The following GRID2 variants were observed in gnomAD, a reference collection of about 807,000 sequenced individuals.
GRID2 encodes glutamate ionotropic receptor delta type subunit 2.
In GRID2, 33 loss-of-function variants were observed where a neutral mutation model predicts 114.8. That is an observed-to-expected ratio of 0.29 (90% confidence interval 0.22 to 0.38). GRID2 has a LOEUF of 0.38. Ranked by LOEUF, GRID2 falls within the 10% of genes least tolerant of loss-of-function variation. GRID2 has a pLI of 1.00. For missense variants in GRID2, 1,184 were observed against 1,257.7 expected, an observed-to-expected ratio of 0.94 and a Z score of 0.89; for synonymous variants, 505 against 449.9, an observed-to-expected ratio of 1.12 and a Z score of -1.55.
At chr4:92,390,694 A>T (rs1367446320) in intron 1 of GRID2, among the ~76,000 whole-genome samples, 1 of 152,202 alleles carries the variant, frequency 6.6e-6, no homozygotes, top group Admixed American at 6.5e-5. Context: ...CTCCAGAGAG[A>T]AATTCCAGGA....
intron 2 of GRID2, among the ~76,000 whole-genome samples, chr4:92,659,643 A>G (rs573805543): frequency 5.3e-5 from 8 of 151,512 alleles, no homozygotes; most frequent in Non-Finnish European, 1.0e-4. Flanking sequence ...TAATGAAAAA[A>G]TAGAAAATAT....
intron 2 of GRID2, among the ~76,000 whole-genome samples, chr4:92,729,168 G>A (rs1335356136): frequency 6.6e-6 from 1 of 151,766 alleles, no homozygotes; most frequent in African/African-American, 2.4e-5. Flanking sequence ...ATCTATCTCT[G>A]ACATGTTAAA....
At chr4:93,298,747 A>G (rs1323304820) in intron 8 of GRID2, among the ~76,000 whole-genome samples, 3 of 152,226 alleles carry the variant, frequency 2.0e-5, no homozygotes, top group East Asian at 1.9e-4. Context: ...TCTTCCTGAC[A>G]TATCTTCTTA....
At chr4:93,718,006 A>T (rs1483002532) in intron 14 of GRID2, among the ~76,000 whole-genome samples, 1 of 152,220 alleles carries the variant, frequency 6.6e-6, no homozygotes, top group African/African-American at 2.4e-5. Context: ...CTGTAATCCC[A>T]GCACTTTGGG....
intron 14 of GRID2, among the ~76,000 whole-genome samples, chr4:93,716,318 G>A (rs191030193): frequency 7.2e-5 from 11 of 152,154 alleles, no homozygotes; most frequent in South Asian, 2.1e-4. Context: ...AAATAATTAC[G>A]TATTAAAATT....
chr4:93,495,012 T>A (rs1727390386), intron 12 of GRID2, among the ~76,000 whole-genome samples: 1 of 151,806 alleles, frequency 6.6e-6, no homozygotes, highest in South Asian at 2.1e-4. Flanking sequence ...GGTTACACAG[T>A]TATAGTTATT....
At chr4:92,746,751 C>G (rs879545080) in intron 2 of GRID2, among the ~76,000 whole-genome samples, 3 of 151,984 alleles carry the variant, frequency 2.0e-5, no homozygotes, top group South Asian at 2.1e-4. Context: ...TCACTTTGAG[C>G]AAATTATTTT....
intron 14 of GRID2, among the ~76,000 whole-genome samples, chr4:93,734,067 T>C (rs779660293): frequency 7.2e-5 from 11 of 152,092 alleles, no homozygotes; most frequent in Non-Finnish European, 1.5e-4. Flanking sequence ...TCTGCTTCTT[T>C]CTGCTGGTAA....
chr4:93,467,396 G>A (rs1724391863), intron 11 of GRID2, among the ~76,000 whole-genome samples: 1 of 152,128 alleles, frequency 6.6e-6, no homozygotes, highest in African/African-American at 2.4e-5. Flanking sequence ...TAATTTTTAA[G>A]AAGTCTGTAT....
Position 93,542,361 on chromosome 4 carries a change from T to C in GRID2, c.2193+26950T>C, listed in dbSNP as rs1732736937. 2.0e-5 allele frequency among the ~76,000 whole-genome samples: 3 copies of C among 152,306 alleles called. No individual in the cohort carries two copies. In the East Asian group the frequency reaches 5.8e-4, roughly 29 times the overall value. On this transcript the variant is annotated intron_variant, in intron 13 of 15. Transcript: ENST00000282020. ...AAGTACCTTTTCTCCTTGGTTTCAA[T>C]AATTTTTCTTTTGGATTCTACTGAA...
At chr4:92,556,955 TATA>T (rs1379203086) in intron 1 of GRID2, among the ~76,000 whole-genome samples, 1 of 152,176 alleles carries the variant, frequency 6.6e-6, no homozygotes, top group African/African-American at 2.4e-5. Context: ...AATATCCTAG[TATA>T]ATAAAATCAT....
intron 1 of GRID2, among the ~76,000 whole-genome samples, chr4:92,439,760 AG>A (rs1264266570): frequency 6.8e-6 from 1 of 146,158 alleles, no homozygotes; most frequent in African/African-American, 2.4e-5. Flanking sequence ...CTGATGAGAG[AG>A]TGCCTAAGGA....
chr4:93,714,158 C>A (rs1023556162), intron 14 of GRID2, among the ~76,000 whole-genome samples: 17 of 151,948 alleles, frequency 1.1e-4, no homozygotes, highest in Admixed American at 6.6e-5. Context: ...TCTCATTGTT[C>A]GGTTCCCACA....
chr4:92,366,539 C>T (rs1728874633), intron 1 of GRID2, among the ~76,000 whole-genome samples: 1 of 151,872 alleles, frequency 6.6e-6, no homozygotes, highest in Non-Finnish European at 1.5e-5. Flanking sequence ...TAGTATCTAC[C>T]ACCTTGGGAA....
chr4:93,084,853 C>A, intron 2 of GRID2, 142 bp from the exon 3 acceptor site: 2 of 619,942 alleles, frequency 3.2e-6, no homozygotes, highest in South Asian at 4.0e-5. Context: ...ATTTGAGGAT[C>A]TCCTCATATC....
intron 14 of GRID2, among the ~76,000 whole-genome samples, chr4:93,763,711 T>C (rs937772395): frequency 1.3e-5 from 2 of 152,174 alleles, no homozygotes; most frequent in African/African-American, 4.8e-5. Context: ...GTGTGTTCCA[T>C]GTGAAAAATC....
chr4:93,666,856 A>T (rs1723991729), intron 14 of GRID2, among the ~76,000 whole-genome samples: 1 of 152,124 alleles, frequency 6.6e-6, no homozygotes, highest in Non-Finnish European at 1.5e-5. Context: ...AACCTACAAC[A>T]TTAATGTAAG....
intron 2 of GRID2, among the ~76,000 whole-genome samples, chr4:92,866,734 A>C (rs1744896386): frequency 6.7e-6 from 1 of 148,816 alleles, no homozygotes; most frequent in African/African-American, 2.5e-5. Context: ...TGTACTTTTT[A>C]ATAGAGACGG....
At chr4:92,744,955 G>T (rs1737075037) in intron 2 of GRID2, among the ~76,000 whole-genome samples, 1 of 152,100 alleles carries the variant, frequency 6.6e-6, no homozygotes, top group Non-Finnish European at 1.5e-5. Context: ...ATCTTTGGGG[G>T]TGAAATTTAT....
Sources: gnomAD v4.1 joint callset for allele counts (sites outside exome capture counted in the v4.1 genomes callset) on GRCh38, gnomAD v4.1.1 for gene constraint, MANE v1.5 for transcripts, NCBI Gene and HGNC (gene_info 2026-07-23, HGNC 2026-07-21) for gene names.